CSMD1: variants seen among roughly 807,000 people sequenced by gnomAD.
The protein encoded by CSMD1 is CUB and sushi domain-containing protein 1.
A neutral mutation model predicts 417.5 loss-of-function variants in CSMD1; 213 were observed. That is an observed-to-expected ratio of 0.51 (90% CI 0.46 to 0.57). The LOEUF is 0.57. CSMD1 is among the 20% of genes least tolerant of loss of function. The pLI, the probability that CSMD1 is intolerant of heterozygous loss-of-function variation, is 0.00. For synonymous variants in CSMD1, 2,862 were observed against 1,736.8 expected (o/e 1.65, Z -16.11); for missense variants, 6,923 against 4,529.7 (o/e 1.53, Z -15.17).
At chr8:3,497,921 G>C (rs1180690080) in intron 10 of CSMD1, among the ~76,000 whole-genome samples, 1 of 152,146 alleles carries the variant, frequency 6.6e-6, no homozygotes, top group Admixed American at 6.5e-5. Context: ...CTTCACAATG[G>C]TGGTTATCAC....
intron 37 of CSMD1, among the ~76,000 whole-genome samples, chr8:3,163,847 G>A (rs1037774884): frequency 6.6e-6 from 1 of 152,116 alleles, no homozygotes; most frequent in Admixed American, 6.5e-5. Flanking sequence ...GACCCTCATA[G>A]CCAGGCTCCT....
At chr8:4,187,305 G>C (rs3990319) in intron 3 of CSMD1, among the ~76,000 whole-genome samples, 126,752 of 152,056 alleles carry the variant, frequency 0.83, 53,030 homozygotes, top group South Asian at 0.94. Context: ...TCATAGGAAA[G>C]GACAACCCAC....
At chr8:3,331,108 G>A (rs1329396689) in intron 23 of CSMD1, among the ~76,000 whole-genome samples, 1 of 151,994 alleles carries the variant, frequency 6.6e-6, no homozygotes, top group Non-Finnish European at 1.5e-5. Context: ...CGTGGTGGCG[G>A]GTGCCTGTAG....
At chr8:3,999,839 T>A (rs539290040) in intron 4 of CSMD1, among the ~76,000 whole-genome samples, 1 of 152,184 alleles carries the variant, frequency 6.6e-6, no homozygotes, top group Admixed American at 6.5e-5. Context: ...TTAGCCAGTC[T>A]GTGACTCCCA....
chr8:4,021,690 G>C (rs773968190), intron 4 of CSMD1, among the ~76,000 whole-genome samples: 2 of 152,080 alleles, frequency 1.3e-5, no homozygotes, highest in Non-Finnish European at 2.9e-5. Context: ...AACTTGTTCG[G>C]AGTGACTATT....
At chr8:4,586,069 A>G (rs1799683728) in intron 2 of CSMD1, among the ~76,000 whole-genome samples, 1 of 152,208 alleles carries the variant, frequency 6.6e-6, no homozygotes, top group Non-Finnish European at 1.5e-5. Context: ...AGTACACATG[A>G]TATTTTCACA....
At chr8:3,566,476 A>G (rs1563160122) in intron 10 of CSMD1, among the ~76,000 whole-genome samples, 1 of 152,104 alleles carries the variant, frequency 6.6e-6, no homozygotes, top group Non-Finnish European at 1.5e-5. Context: ...CACCTCCACC[A>G]GCCCCTCCTG....
chr8:3,605,656 TG>T (rs1563192988), intron 8 of CSMD1, among the ~76,000 whole-genome samples: 1 of 152,070 alleles, frequency 6.6e-6, no homozygotes, highest in East Asian at 1.9e-4. Context: ...CAAAATAGAA[TG>T]AAAAATAAAC....
intron 1 of CSMD1, among the ~76,000 whole-genome samples, chr8:4,832,795 G>A (rs1197314041): frequency 4.6e-5 from 7 of 152,132 alleles, no homozygotes; most frequent in Middle Eastern, 3.2e-3. Flanking sequence ...CCAGAGAGCC[G>A]AGACATTCAT....
At chr8:3,354,534 TAATAG>T (rs1031177130) in intron 21 of CSMD1, among the ~76,000 whole-genome samples, 85 of 152,290 alleles carry the variant, frequency 5.6e-4, no homozygotes, top group African/African-American at 1.9e-3. Flanking sequence ...ATCTTGCCCG[TAATAG>T]AAGTCTATAT....
chr8:4,286,483 A>G (rs1198611855), intron 3 of CSMD1, among the ~76,000 whole-genome samples: 1 of 152,112 alleles, frequency 6.6e-6, no homozygotes, highest in Non-Finnish European at 1.5e-5. Context: ...CTTCATTTTA[A>G]TAAGACGGTT....
intron 23 of CSMD1, among the ~76,000 whole-genome samples, chr8:3,313,028 T>C (rs1805472191): frequency 6.6e-6 from 1 of 152,200 alleles, no homozygotes; most frequent in African/African-American, 2.4e-5. Context: ...AGTTGATGTG[T>C]AATAGGAGAA....
Position 3,237,522 on chromosome 8 carries a change from ATAT to A in CSMD1, c.4154-7294_4154-7292del, listed in dbSNP as rs551655370. On this transcript the variant is annotated intron_variant, in intron 26 of 69. Coordinates refer to ENST00000635120, the MANE Select transcript of CSMD1 (RefSeq NM_033225.6). ...AAAGTATATAATATTTTTATATTAA[ATAT>A]TATATATTTATATATTATATAAATA... 6.1e-5 allele frequency among the ~76,000 whole-genome samples: 9 copies of A among 147,438 alleles called. No homozygotes were observed. The South Asian group carries it at 1.5e-3, about 24-fold the overall frequency.
chr8:4,608,745 T>G (rs568830635), intron 2 of CSMD1, among the ~76,000 whole-genome samples: 9 of 152,240 alleles, frequency 5.9e-5, no homozygotes, highest in Non-Finnish European at 1.2e-4. Context: ...ATGTGTTTTC[T>G]TTTATGAGTT....
At chr8:3,942,637 G>C (rs1011246551) in intron 5 of CSMD1, among the ~76,000 whole-genome samples, 1 of 152,148 alleles carries the variant, frequency 6.6e-6, no homozygotes, top group Non-Finnish European at 1.5e-5. Flanking sequence ...TTACTGGTTA[G>C]CCTCAGTTTA....
intron 54 of CSMD1, among the ~76,000 whole-genome samples, chr8:2,979,082 T>C (rs1805184270): frequency 6.6e-6 from 1 of 152,220 alleles, no homozygotes; most frequent in African/African-American, 2.4e-5. Flanking sequence ...TGAAGTTAGT[T>C]TCCTTGGTTA....
chr8:4,300,439 C>T (rs55700520), intron 3 of CSMD1, among the ~76,000 whole-genome samples: 9,470 of 152,282 alleles, frequency 0.062, 387 homozygotes, highest in Non-Finnish European at 0.092. Context: ...TTCAGTCCAT[C>T]CCTAAAGAAC....
At chr8:3,232,517 T>C (rs1042749480) in intron 26 of CSMD1, among the ~76,000 whole-genome samples, 2 of 152,208 alleles carry the variant, frequency 1.3e-5, no homozygotes, top group African/African-American at 4.8e-5. Flanking sequence ...ATTTTTCTTT[T>C]TACCCTTATA....
rs188504222 is a variant in CSMD1, at chr8:3,679,332, G to A, written c.1009+29082C>T. Among the ~76,000 whole-genome samples, 1,238 of 152,228 alleles carry A rather than the reference G, an allele frequency of 8.1e-3. 15 individuals are homozygous for A. The highest frequency in any genetic ancestry group is 0.028 in the African/African-American group (1,170 of 41,540). On this transcript the variant is annotated intron_variant, in intron 7 of 69. Transcript: ENST00000635120. ...ACACATAGGCTCAAAATAAAGGGAT[G>A]GAGGAAGATCTACCAAGCAAATGGA... is the stretch of plus-strand genomic sequence containing the variant.
Sources: gnomAD v4.1 joint callset for allele counts (sites outside exome capture counted in the v4.1 genomes callset) on GRCh38, gnomAD v4.1.1 for gene constraint, MANE v1.5 for transcripts, NCBI Gene and HGNC (gene_info 2026-07-23, HGNC 2026-07-21) for gene names.